Variants in TP63 observed in about 807,000 individuals in gnomAD.
The protein encoded by TP63 is tumor protein 63.
TP63 carries 17 observed loss-of-function variants against 82.8 expected under a neutral mutation model. The observed-to-expected ratio is 0.21, with a 90% CI of 0.14 to 0.31. The LOEUF (loss-of-function observed/expected upper bound fraction) is 0.31, where lower values mean the gene tolerates loss of function less well. TP63 is among the 10% of genes least tolerant of loss of function. The probability of loss-of-function intolerance (pLI) is 1.00; values close to 1 mark genes in which losing one functional copy is unlikely to be tolerated. For missense variants in TP63, 648 were observed against 895.3 expected (o/e 0.72, Z 3.52); for synonymous variants, 330 against 321.7 (o/e 1.03, Z -0.28).
chr3:189,804,174 T>G (rs1272214164), intron 3 of TP63, among the ~76,000 whole-genome samples: 1 of 152,204 alleles, frequency 6.6e-6, no homozygotes, highest in African/African-American at 2.4e-5. Context: ...CTTTGACTTG[T>G]CATTGTCAGT....
At position 189,690,929 on chromosome 3, in the gene TP63, A is replaced by G. The variant is rs547075408; in HGVS notation, c.63-46811A>G. ...TGAACCCAATGTGTTACATAATAGA[A>G]AACTGGAGTTGTCACTCTCAGGAAC... On this transcript the variant is annotated intron_variant, in intron 1 of 13. Transcript: ENST00000264731. Among the ~76,000 whole-genome samples the G allele has an allele frequency of 9.2e-5, 14 of 152,302 alleles. No individual in the cohort carries two copies. The South Asian group carries it at 2.5e-3, about 27-fold the overall frequency.
At chr3:189,739,592 G>C (rs1161760528) in intron 3 of TP63, among the ~76,000 whole-genome samples, 1 of 152,056 alleles carries the variant, frequency 6.6e-6, no homozygotes, top group Non-Finnish European at 1.5e-5. Flanking sequence ...CATGAAACAG[G>C]CTTTTCTTGG....
At chr3:189,700,249 A>G (rs1717700689) in intron 1 of TP63, among the ~76,000 whole-genome samples, 1 of 152,188 alleles carries the variant, frequency 6.6e-6, no homozygotes, top group Non-Finnish European at 1.5e-5. Context: ...GATGAGAGGA[A>G]AAGCCAGCAG....
intron 1 of TP63, among the ~76,000 whole-genome samples, chr3:189,694,758 A>G (rs1256476615): frequency 9.1e-6 from 1 of 109,598 alleles, no homozygotes; most frequent in Admixed American, 1.0e-4. Context: ...TTTCCATGCC[A>G]TACTCTTTGA....
chr3:189,869,777 A>G (rs1190415877), intron 9 of TP63, among the ~76,000 whole-genome samples: 2 of 151,668 alleles, frequency 1.3e-5, no homozygotes, highest in South Asian at 2.1e-4. Context: ...TCATTACCTA[A>G]ATTACTTCCC....
intron 4 of TP63, among the ~76,000 whole-genome samples, chr3:189,829,718 T>A (rs1712010499): frequency 6.6e-6 from 1 of 152,200 alleles, no homozygotes; most frequent in African/African-American, 2.4e-5. Context: ...TTACTTCACT[T>A]CTAACTATTT....
At chr3:189,681,391 A>G (rs562507775) in intron 1 of TP63, among the ~76,000 whole-genome samples, 35 of 152,352 alleles carry the variant, frequency 2.3e-4, no homozygotes, top group African/African-American at 8.4e-4. Context: ...AAGGTTAAAA[A>G]TAACTTGAAG....
At chr3:189,716,272 T>C (rs1718951475) in intron 1 of TP63, among the ~76,000 whole-genome samples, 2 of 152,206 alleles carry the variant, frequency 1.3e-5, no homozygotes, top group South Asian at 4.1e-4. Flanking sequence ...ATAAAATATA[T>C]TTTTATTTAC....
At chr3:189,790,006 GA>G (rs1724975225) in intron 3 of TP63, among the ~76,000 whole-genome samples, 1 of 150,690 alleles carries the variant, frequency 6.6e-6, no homozygotes, top group Admixed American at 6.6e-5. Context: ...GTGGCTGTAA[GA>G]TTTTTTTTTT....
intron 3 of TP63, among the ~76,000 whole-genome samples, chr3:189,775,462 T>C (rs1723724181): frequency 6.6e-6 from 1 of 152,184 alleles, no homozygotes; most frequent in African/African-American, 2.4e-5. Context: ...TCCACACAGC[T>C]ACCTAGATCG....
chr3:189,686,640 C>A (rs1048341722), intron 1 of TP63, among the ~76,000 whole-genome samples: 4 of 137,420 alleles, frequency 2.9e-5, no homozygotes, highest in African/African-American at 8.2e-5. Flanking sequence ...AAAATGATAG[C>A]AAAGTTTACA....
chr3:189,876,303 C>G (rs1719214655), intron 10 of TP63, among the ~76,000 whole-genome samples: 1 of 152,164 alleles, frequency 6.6e-6, no homozygotes, highest in African/African-American at 2.4e-5. Context: ...CCCTCTTTTT[C>G]TATACGATGA....
chr3:189,631,664 A>G, intron 1 of TP63, 87 bp downstream of exon 1: 1 of 1,606,298 alleles, frequency 6.2e-7, no homozygotes, highest in Non-Finnish European at 8.5e-7. Flanking sequence ...ACAAAGAACA[A>G]TTCCTCCTTG....
upstream of TP63, among the ~76,000 whole-genome samples, chr3:189,626,640 A>C (rs765483851): frequency 6.6e-6 from 1 of 152,188 alleles, no homozygotes; most frequent in African/African-American, 2.4e-5. Flanking sequence ...CTGCTCAGTC[A>C]TGGTAGGGCC....
chr3:189,702,035 A>G (rs1055974462), intron 1 of TP63, among the ~76,000 whole-genome samples: 2 of 152,172 alleles, frequency 1.3e-5, no homozygotes, highest in Non-Finnish European at 2.9e-5. Flanking sequence ...GGAGCCTGCA[A>G]CATGCCTAGT....
intron 9 of TP63, among the ~76,000 whole-genome samples, chr3:189,871,236 A>G (rs1718383623): frequency 6.6e-6 from 1 of 152,186 alleles, no homozygotes; most frequent in South Asian, 2.1e-4. Context: ...CATTAATTTA[A>G]TATATATTTT....
At chr3:189,741,594 C>A (rs968302131) in intron 3 of TP63, among the ~76,000 whole-genome samples, 1 of 152,090 alleles carries the variant, frequency 6.6e-6, no homozygotes, top group African/African-American at 2.4e-5. Context: ...GGATTGTAGC[C>A]AAGCATTCTC....
At chr3:189,661,621 T>A (rs1388691410) in intron 1 of TP63, among the ~76,000 whole-genome samples, 1 of 152,074 alleles carries the variant, frequency 6.6e-6, no homozygotes, top group Non-Finnish European at 1.5e-5. Flanking sequence ...TCATGCTTGA[T>A]TTTTTTGAAA....
intron 1 of TP63, among the ~76,000 whole-genome samples, chr3:189,737,149 A>G (rs973324095): frequency 6.6e-6 from 1 of 152,136 alleles, no homozygotes; most frequent in Non-Finnish European, 1.5e-5. Context: ...AACCACCCAC[A>G]CATCAAGGTA....
Sources: gnomAD v4.1 joint callset for allele counts (sites outside exome capture counted in the v4.1 genomes callset) on GRCh38, gnomAD v4.1.1 for gene constraint, MANE v1.5 for transcripts, NCBI Gene and HGNC (gene_info 2026-07-23, HGNC 2026-07-21) for gene names.